PPP1R13B: variants seen among roughly 807,000 people sequenced by gnomAD.
PPP1R13B encodes protein phosphatase 1 regulatory subunit 13B, also known as apoptosis-stimulating of p53 protein 1.
PPP1R13B carries 44 observed loss-of-function variants against 119.8 expected under a neutral mutation model. That is an observed-to-expected ratio of 0.37 (90% CI 0.29 to 0.47). The LOEUF is 0.47. Ranked by LOEUF, PPP1R13B falls within the 20% of genes least tolerant of loss-of-function variation. The pLI is 0.99. For synonymous variants in PPP1R13B, 542 were observed against 561.5 expected (o/e 0.97, Z 0.49); for missense variants, 1,227 against 1,413.5 (o/e 0.87, Z 2.12).
At chr14:103,842,931 C>T (rs769942360) in intron 1 of PPP1R13B, among the ~76,000 whole-genome samples, 2 of 151,912 alleles carry the variant, frequency 1.3e-5, no homozygotes, top group Non-Finnish European at 2.9e-5. Flanking sequence ...GAGCCAAGAT[C>T]GCGCCACTGC....
chr14:103,738,841 C>G lies in PPP1R13B; in HGVS notation c.2731-29G>C. On this transcript the variant is annotated intron_variant, in intron 13 of 16. Coordinates refer to ENST00000202556, the MANE Select transcript of PPP1R13B (RefSeq NM_015316.3). The surrounding 1 kb of genome is among the most constrained non-coding windows in gnomAD (Gnocchi z 5.6). ...GGACACACGGCCTGTGAGCGCCCATCCCCTCGCCCCCAGCAGCGTGCACTG... is the reference window on the plus strand; with the variant it reads ...GGACACACGGCCTGTGAGCGCCCATGCCCTCGCCCCCAGCAGCGTGCACTG... 2 of 1,613,574 alleles carry G rather than the reference C, an allele frequency of 1.2e-6. No homozygotes were observed. The highest frequency in any genetic ancestry group is 1.7e-6 in the Non-Finnish European group (2 of 1,179,616).
In PPP1R13B at chr14:103,735,151, A is replaced by G. The variant is rs149928052; in HGVS notation, c.*3T>C. On this transcript the variant is annotated 3_prime_UTR_variant, in exon 17 of 17. Transcript: ENST00000202556. ...AAGACCATGCGGTGCTCCAAAAGGA[A>G]GTTCAGGCGAGTGTTCGCTGTCGGG... 1,436 of 1,614,140 alleles carry G rather than the reference A, an allele frequency of 8.9e-4. 12 individuals carry two copies. In the East Asian group the frequency reaches 0.022, roughly 25 times the overall value.
chr14:103,746,501 C>G lies in PPP1R13B; in HGVS notation c.1022G>C (p.Gly341Ala), dbSNP rs1567089633. The stretch of plus-strand genomic sequence containing the variant: ...ATAAGGCCCCACAGCAGCGACCCTG[C>G]CCGATGTGCTCAGAGGGGACTGTGG... ...SSPQSPLSTS[G>A]RVAAVGPYIQ... The change falls in exon 9 of 17, where the codon GGC (glycine) becomes GCC (alanine). Residue 341 changes from glycine to alanine, a missense_variant. Gly to Ala is a moderately conservative substitution (Grantham distance 60). Transcript: ENST00000202556. 2 of 1,613,884 alleles carry G rather than the reference C, an allele frequency of 1.2e-6. No homozygotes were observed. The highest frequency in any genetic ancestry group is 1.7e-6 in the Non-Finnish European group (2 of 1,179,806).
chr14:103,779,941 G>C (rs2085299015), intron 3 of PPP1R13B, among the ~76,000 whole-genome samples: 1 of 151,946 alleles, frequency 6.6e-6, no homozygotes, highest in East Asian at 1.9e-4. Flanking sequence ...CTTGAAGCCA[G>C]GAGTTTGAGA....
intron 7 of PPP1R13B, among the ~76,000 whole-genome samples, chr14:103,751,267 A>T (rs1318031386): frequency 6.6e-6 from 1 of 152,260 alleles, no homozygotes; most frequent in Non-Finnish European, 1.5e-5. Flanking sequence ...AAAAATCCTT[A>T]AAACGCTGCA....
At chr14:103,765,986 T>TTTTA (rs141588292) in intron 4 of PPP1R13B, among the ~76,000 whole-genome samples, 11 of 139,060 alleles carry the variant, frequency 7.9e-5, no homozygotes, top group African/African-American at 3.0e-4. Context: ...AAATTTTTAT[T>TTTTA]TTATTATTAT....
At chr14:103,848,549 A>T (rs2087129075), upstream of PPP1R13B, 1 of 953,250 alleles carries the variant, frequency 1.0e-6, no homozygotes, top group Non-Finnish European at 1.2e-6. Context: ...CCGCGGCAGC[A>T]CCGAACTCCC....
At chr14:103,779,358 C>T (rs959877539) in intron 3 of PPP1R13B, among the ~76,000 whole-genome samples, 6 of 152,042 alleles carry the variant, frequency 3.9e-5, no homozygotes, top group Admixed American at 3.3e-4. Context: ...GAAATCTTTT[C>T]TTTTTACATT....
intron 15 of PPP1R13B, 73 bp from the exon 16 acceptor site, chr14:103,736,275 G>GAC: frequency 2.7e-6 from 4 of 1,500,628 alleles, no homozygotes; most frequent in Non-Finnish European, 3.7e-6. Flanking sequence ...CGAGGAACAG[G>GAC]ACACAGTCGT....
chr14:103,819,498 T>C (rs546806255), intron 1 of PPP1R13B, among the ~76,000 whole-genome samples: 16 of 128,024 alleles, frequency 1.2e-4, no homozygotes, highest in African/African-American at 5.2e-4. Context: ...AATCTGTCTA[T>C]TAAAAAAAAC....
chr14:103,794,750 G>T, intron 2 of PPP1R13B: 1 of 319,130 alleles, frequency 3.1e-6, no homozygotes, highest in Non-Finnish European at 6.2e-6. Flanking sequence ...CCCTTTGATG[G>T]CATCCACTGG....
chr14:103,742,826 T>G lies in PPP1R13B; in HGVS notation c.1151-3A>C. 1.2e-6 allele frequency: 2 copies of G among 1,613,918 alleles called. No homozygotes were observed. The highest frequency in any genetic ancestry group is 2.2e-5 in the South Asian group (2 of 91,054). ...TGTTGGCCAGTTTCCATCATTAGCTTGAAAAGAACACAGAACTTACGTAAA... is the reference window on the plus strand; with the variant it reads ...TGTTGGCCAGTTTCCATCATTAGCTGGAAAAGAACACAGAACTTACGTAAA... On this transcript the variant is annotated splice_polypyrimidine_tract_variant and splice_region_variant and intron_variant, in intron 9 of 16. Coordinates refer to ENST00000202556, the MANE Select transcript of PPP1R13B (RefSeq NM_015316.3). This position sits in a 1 kb window ranked among gnomAD's most constrained non-coding sequence, Gnocchi z 4.9.
intron 2 of PPP1R13B, among the ~76,000 whole-genome samples, chr14:103,791,480 A>T (rs1055380711): frequency 1.3e-5 from 2 of 152,214 alleles, no homozygotes; most frequent in African/African-American, 4.8e-5. Flanking sequence ...TAATCCCAGC[A>T]CTTTGGGAGG....
At chr14:103,796,643 G>A (rs2085764259) in intron 2 of PPP1R13B, among the ~76,000 whole-genome samples, 2 of 152,232 alleles carry the variant, frequency 1.3e-5, no homozygotes, top group African/African-American at 2.4e-5. Context: ...TAAGAGATAT[G>A]AAAATATATG....
rs756555688 is a variant in PPP1R13B, at chr14:103,739,895, G to C, written c.2521C>G (p.Pro841Ala). 1 of 1,613,850 alleles carries C rather than the reference G, an allele frequency of 6.2e-7. No individual in the cohort carries two copies. Reference protein sequence around the residue: ...EQIPSPVAEAPSPGEEQVPPA... With the variant: ...EQIPSPVAEAASPGEEQVPPA... ...GGGACCTGCTCTTCCCCTGGAGATG[G>C]GGCCTCAGCCACAGGACTCGGGATC... The change falls in exon 12 of 17, where the codon CCA (proline) becomes GCA (alanine). Residue 841 changes from proline to alanine, a missense_variant. Coordinates refer to ENST00000202556, the MANE Select transcript of PPP1R13B (RefSeq NM_015316.3).
chr14:103,770,297 C>T (rs1381706883), intron 4 of PPP1R13B, among the ~76,000 whole-genome samples: 3 of 151,976 alleles, frequency 2.0e-5, no homozygotes, highest in Admixed American at 2.0e-4. Flanking sequence ...GAGGATCACT[C>T]GAGCTCAGGA....
chr14:103,795,573 G>A lies in PPP1R13B; in HGVS notation c.157+1798C>T, dbSNP rs140068637. Among the ~76,000 whole-genome samples the A allele has an allele frequency of 6.5e-3, 992 of 152,232 alleles. 11 individuals are homozygous for A. Among genetic ancestry groups the A allele is most frequent in the African/African-American group, 0.023 (947 of 41,538 alleles). ...TAGACCATTTAGGGCTATAATACTCGTGTAAAAATTTTATTCCCTTACAAT... is the reference window on the plus strand; with the variant it reads ...TAGACCATTTAGGGCTATAATACTCATGTAAAAATTTTATTCCCTTACAAT... On this transcript the variant is annotated intron_variant, in intron 2 of 16. Coordinates refer to ENST00000202556, the MANE Select transcript of PPP1R13B (RefSeq NM_015316.3).
At position 103,734,761 on chromosome 14, in the gene PPP1R13B, G is replaced by A. The variant is rs568522266; in HGVS notation, c.*393C>T. 2 of 465,392 alleles carry A rather than the reference G, an allele frequency of 4.3e-6. No homozygotes were observed. The allele number at this position is 465,392 out of a possible 1,614,324, so 28.8% of individuals were successfully genotyped here. A position where few individuals can be genotyped will look rare whatever the true frequency, so the allele number is the denominator to read the frequency against. Reference sequence around the variant, plus strand: ...GGGGCAGGGCGGTCGCAGGGGAGCAGGCCTCACAGCGGCGGACAGTGTTCA... The same window carrying A: ...GGGGCAGGGCGGTCGCAGGGGAGCAAGCCTCACAGCGGCGGACAGTGTTCA... On this transcript the variant is annotated 3_prime_UTR_variant, in exon 17 of 17. Coordinates refer to ENST00000202556, the MANE Select transcript of PPP1R13B (RefSeq NM_015316.3).
intron 4 of PPP1R13B, among the ~76,000 whole-genome samples, chr14:103,761,489 C>T (rs1001239380): frequency 2.8e-4 from 42 of 152,104 alleles, no homozygotes; most frequent in African/African-American, 8.9e-4. Context: ...ATAGGCCGGG[C>T]GCTGTGGCTC....
Sources: allele counts gnomAD v4.1 joint callset (sites outside exome capture counted in the v4.1 genomes callset), GRCh38; gene constraint gnomAD v4.1.1; non-coding constraint Gnocchi (gnomAD v3.1); transcripts MANE v1.5; gene names NCBI Gene and HGNC (gene_info 2026-07-23, HGNC 2026-07-21).